Variants in NCKAP5L observed in about 807,000 individuals in gnomAD.
NCKAP5L encodes NCK associated protein 5 like.
In NCKAP5L, 54 loss-of-function variants were observed where a neutral mutation model predicts 103.2. That is an observed-to-expected ratio of 0.52 (90% CI 0.42 to 0.66). NCKAP5L has a LOEUF of 0.66. Ranked by LOEUF, NCKAP5L falls within the 30% of genes least tolerant of loss-of-function variation. The pLI, the probability that NCKAP5L is intolerant of heterozygous loss-of-function variation, is 0.00. For missense variants in NCKAP5L, 1,733 were observed against 1,750.6 expected (o/e 0.99, Z 0.18); for synonymous variants, 762 against 748.6 (o/e 1.02, Z -0.29).
chr12:49,792,163 G>A lies in NCKAP5L; in HGVS notation c.3793-112C>T, dbSNP rs1945946488. 1.8e-6 allele frequency: 2 copies of A among 1,092,276 alleles called. No homozygotes were observed. The highest frequency in any genetic ancestry group is 2.6e-6 in the Non-Finnish European group (2 of 766,682). The allele number at this position is 1,092,276 out of a possible 1,614,324, so 67.7% of individuals were successfully genotyped here. On this transcript the variant is annotated intron_variant, in intron 12 of 12. Transcript: ENST00000335999. This position sits in a 1 kb window ranked among gnomAD's most constrained non-coding sequence, Gnocchi z 4.5. Reference sequence around the variant, plus strand: ...GCACCTGATGGGGGGCTGCTCCAGAGGGGGCCCAAGGTGGGGTATACTTCA... The same window carrying A: ...GCACCTGATGGGGGGCTGCTCCAGAAGGGGCCCAAGGTGGGGTATACTTCA...
chr12:49,792,997 G>A lies in NCKAP5L; in HGVS notation c.3341-11C>T. On this transcript the variant is annotated splice_polypyrimidine_tract_variant and intron_variant, in intron 10 of 12. Coordinates refer to ENST00000335999, the MANE Select transcript of NCKAP5L (RefSeq NM_001037806.4). The surrounding 1 kb of genome is among the most constrained non-coding windows in gnomAD (Gnocchi z 4.5). ...TCAAGGAGCCACAGGCTGGGGAGGG[G>A]AGGGGAGGGCCCGTTAAGAGTGTGA... is the stretch of plus-strand genomic sequence containing the variant. The A allele has an allele frequency of 2.0e-6, 3 of 1,520,900 alleles. No individual in the cohort carries two copies. Among genetic ancestry groups the A allele is most frequent in the Non-Finnish European group, 2.6e-6 (3 of 1,141,120 alleles). The allele number at this position is 1,520,900 out of a possible 1,614,324, so 94.2% of individuals were successfully genotyped here.
At chr12:49,817,359 A>C (rs1946310165) in intron 1 of NCKAP5L, among the ~76,000 whole-genome samples, 1 of 152,196 alleles carries the variant, frequency 6.6e-6, no homozygotes, top group East Asian at 1.9e-4. Context: ...ACATCTCACA[A>C]AAGAATTACT....
At chr12:49,794,607 C>CT (rs1555147591) in intron 8 of NCKAP5L, among the ~76,000 whole-genome samples, 158 bp downstream of exon 8, 1 of 117,680 alleles carries the variant, frequency 8.5e-6, no homozygotes, top group East Asian at 2.4e-4. Flanking sequence ...AGTCACTGAC[C>CT]CCCCCACCAG....
At chr12:49,794,665 T>C (rs1946001541) in intron 8 of NCKAP5L, 100 bp downstream of exon 8, 3 of 941,582 alleles carry the variant, frequency 3.2e-6, no homozygotes, top group Non-Finnish European at 4.3e-6. Context: ...AAGCCCCAGC[T>C]CCCAGGAAAA....
chr12:49,828,209 T>C (rs112804619), intron 1 of NCKAP5L, 113 bp downstream of exon 1: 15,601 of 151,850 alleles, frequency 0.1, 1,679 homozygotes, highest in African/African-American at 0.27. Flanking sequence ...CCTCTCCGAC[T>C]CTGTACTGCC....
Position 49,797,875 on chromosome 12 carries a change from C to T in NCKAP5L, c.465+475G>A, listed in dbSNP as rs1258224571. Among the ~76,000 whole-genome samples the T allele has an allele frequency of 1.3e-5, 2 of 152,200 alleles. No homozygotes were observed. Among genetic ancestry groups the T allele is most frequent in the African/African-American group, 4.8e-5 (2 of 41,452 alleles). ...CAGCTGACCCCGCTGACCTCATCCCCAGCAGAAAGGGGTTGGGGGTGACGC... is the reference window on the plus strand; with the variant it reads ...CAGCTGACCCCGCTGACCTCATCCCTAGCAGAAAGGGGTTGGGGGTGACGC... On this transcript the variant is annotated intron_variant, in intron 7 of 12. Coordinates refer to ENST00000335999, the MANE Select transcript of NCKAP5L (RefSeq NM_001037806.4). This position sits in a 1 kb window ranked among gnomAD's most constrained non-coding sequence, Gnocchi z 4.5.
Position 49,796,195 on chromosome 12 carries a change from G to C in NCKAP5L, c.1665C>G (p.Cys555Trp). The C allele has an allele frequency of 1.2e-6, 2 of 1,602,756 alleles. No homozygotes were observed. The highest frequency in any genetic ancestry group is 4.5e-5 in the East Asian group (2 of 44,852). ...GAGAAAGGTCCAGAATGTTCTCATA[G>C]CAGGGAGACACCACTGGGCCTGGGG... ...TLSPGPVVSP[C>W]YENILDLSRS... The change falls in exon 8 of 13, where the codon TGC (cysteine) becomes TGG (tryptophan). Residue 555 changes from cysteine to tryptophan, a missense_variant. Transcript: ENST00000335999.
Position 49,793,875 on chromosome 12 carries a change from T to G in NCKAP5L, c.3117A>C (p.Pro1039=). The change falls in exon 9 of 13, where the codon CCA becomes CCC. Residue 1039 remains proline, a synonymous_variant. Coordinates refer to ENST00000335999, the MANE Select transcript of NCKAP5L (RefSeq NM_001037806.4). ...GCTTGGGCTCCCGCCAGCTCTTGGA[T>G]GGCAGCTCCTTGCCATCCACCCTAT... ...LLNRVDGKEL[P]SKSWREPKPE... 1 of 1,559,846 alleles carries G rather than the reference T, an allele frequency of 6.4e-7. No homozygotes were observed. The highest frequency in any genetic ancestry group is 8.7e-7 in the Non-Finnish European group (1 of 1,153,584).
chr12:49,816,655 A>C (rs1946301057), intron 1 of NCKAP5L, among the ~76,000 whole-genome samples: 1 of 151,976 alleles, frequency 6.6e-6, no homozygotes, highest in Admixed American at 6.6e-5. Context: ...AAAATTAGCC[A>C]GGCATGGTGG....
chr12:49,824,355 G>A (rs1265193334), intron 1 of NCKAP5L, among the ~76,000 whole-genome samples: 4 of 152,228 alleles, frequency 2.6e-5, no homozygotes, highest in Non-Finnish European at 5.9e-5. Flanking sequence ...GCACCTTACA[G>A]CCAGGTAGGC....
chr12:49,812,198 A>T (rs1346372596), intron 1 of NCKAP5L, among the ~76,000 whole-genome samples: 1 of 151,806 alleles, frequency 6.6e-6, no homozygotes. Flanking sequence ...CCCCCTCCCC[A>T]CCCAGTCACA....
chr12:49,822,886 A>G (rs563396417), intron 1 of NCKAP5L, among the ~76,000 whole-genome samples: 147 of 152,322 alleles, frequency 9.7e-4, no homozygotes, highest in Non-Finnish European at 1.6e-3. Context: ...ATGAAAAAAT[A>G]AAACTGCAAA....
chr12:49,817,004 T>C (rs1270707061), intron 1 of NCKAP5L, among the ~76,000 whole-genome samples: 1 of 151,628 alleles, frequency 6.6e-6, no homozygotes, highest in Non-Finnish European at 1.5e-5. Flanking sequence ...ACATAAGACA[T>C]GCAAGAAAAA....
Position 49,802,981 on chromosome 12 carries a change from C to A in NCKAP5L, c.208G>T (p.Val70Leu), listed in dbSNP as rs1475393005. The part of the protein sequence containing the change: ...RCLDEVANHV[V>L]QALLNQKDLR... ...ACCTTCTGGTTCAGCAACGCCTGTA[C>A]CACATGGTTGGCAACCTGGGGACAG... The change falls in exon 5 of 13, where the codon GTA becomes TTA. Residue 70 changes from valine to leucine, a missense_variant. By Grantham distance (32) the Val-to-Leu change is conservative. Transcript: ENST00000335999. The A allele has an allele frequency of 6.2e-7, 1 of 1,614,224 alleles. No individual in the cohort carries two copies. Among genetic ancestry groups the A allele is most frequent in the South Asian group, 1.1e-5 (1 of 91,084 alleles).
chr12:49,794,708 G>T, intron 8 of NCKAP5L, 57 bp downstream of exon 8: 1 of 1,339,250 alleles, frequency 7.5e-7, no homozygotes, highest in East Asian at 2.9e-5. Flanking sequence ...GTGTGCCCAC[G>T]AAGGGAAAAG....
intron 1 of NCKAP5L, among the ~76,000 whole-genome samples, chr12:49,806,588 G>A (rs1287523302): frequency 6.6e-6 from 1 of 152,230 alleles, no homozygotes; most frequent in Admixed American, 6.5e-5. Context: ...GGGAGCACCC[G>A]CCTGCGGGAG....
At chr12:49,821,834 G>A (rs549673972) in intron 1 of NCKAP5L, among the ~76,000 whole-genome samples, 30 of 152,252 alleles carry the variant, frequency 2.0e-4, no homozygotes, top group African/African-American at 3.1e-4. Flanking sequence ...CTCAGAGGCC[G>A]GTTTGACCTG....
At chr12:49,798,801 A>C (rs1946088234) in intron 6 of NCKAP5L, among the ~76,000 whole-genome samples, 1 of 152,126 alleles carries the variant, frequency 6.6e-6, no homozygotes, top group Non-Finnish European at 1.5e-5. Context: ...CTCCTCTCAC[A>C]AAGAGGGTTA....
chr12:49,803,034 A>G (rs1592753000), intron 4 of NCKAP5L, 38 bp from the exon 5 acceptor site: 1 of 1,613,924 alleles, frequency 6.2e-7, no homozygotes, highest in Admixed American at 1.7e-5. Context: ...CCATCAGCTG[A>G]CCCCAGCTTC....
Sources: gnomAD v4.1 joint callset for allele counts (sites outside exome capture counted in the v4.1 genomes callset) on GRCh38, gnomAD v4.1.1 for gene constraint, Gnocchi (gnomAD v3.1) non-coding constraint, MANE v1.5 for transcripts, NCBI Gene and HGNC (gene_info 2026-07-23, HGNC 2026-07-21) for gene names.